The following ZZZ3 variants were observed in gnomAD, a reference collection of about 807,000 sequenced individuals.
The protein encoded by ZZZ3 is zinc finger ZZ-type containing 3.
In ZZZ3, 22 loss-of-function variants were observed where a neutral mutation model predicts 95.2. The observed-to-expected ratio is 0.23, with a 90% confidence interval of 0.17 to 0.33. The LOEUF is 0.33. Ranked by LOEUF, ZZZ3 falls within the 10% of genes least tolerant of loss-of-function variation. The pLI, the probability that ZZZ3 is intolerant of heterozygous loss-of-function variation, is 1.00. For synonymous variants in ZZZ3, 335 were observed against 358.9 expected (o/e 0.93, Z 0.75); for missense variants, 885 against 1,066.5 (o/e 0.83, Z 2.37).
chr1:77,663,348 G>T (rs1670981235), intron 1 of ZZZ3, among the ~76,000 whole-genome samples: 1 of 151,980 alleles, frequency 6.6e-6, no homozygotes, highest in Admixed American at 6.6e-5. Flanking sequence ...GAAAAAAAAA[G>T]TCTGGTGGTA....
rs137932775 is a variant in ZZZ3 at position 77,567,195 on chromosome 1, G to A, written c.2467-1014C>T. Among the ~76,000 whole-genome samples, 230 of 152,240 alleles carry A rather than the reference G, an allele frequency of 1.5e-3. 1 individual carries two copies. Among genetic ancestry groups the A allele is most frequent in the African/African-American group, 5.2e-3 (215 of 41,548 alleles). ...TATGGTCTCATTATTACTTCCTCCA[G>A]TCCAACCAAGTCAATTCTAATGCCT... On this transcript the variant is annotated intron_variant, in intron 13 of 14. Transcript: ENST00000370801.
At chr1:77,606,779 C>A (rs1219544258) in intron 5 of ZZZ3, among the ~76,000 whole-genome samples, 1 of 152,210 alleles carries the variant, frequency 6.6e-6, no homozygotes, top group Non-Finnish European at 1.5e-5. Context: ...GCTTGGGATG[C>A]CCTCTAATAC....
intron 5 of ZZZ3, among the ~76,000 whole-genome samples, chr1:77,620,543 C>T (rs1666759316): frequency 6.7e-6 from 1 of 149,160 alleles, no homozygotes; most frequent in South Asian, 2.1e-4. Flanking sequence ...GGAAACTGAG[C>T]TGAATCAGTA....
intron 1 of ZZZ3, among the ~76,000 whole-genome samples, chr1:77,657,325 A>G (rs936881879): frequency 6.6e-6 from 1 of 152,210 alleles, no homozygotes; most frequent in South Asian, 2.1e-4. Context: ...CGGAACTCAC[A>G]GTCAACAGCA....
At chr1:77,607,584 A>T (rs1665366184) in intron 5 of ZZZ3, among the ~76,000 whole-genome samples, 1 of 152,208 alleles carries the variant, frequency 6.6e-6, no homozygotes, top group South Asian at 2.1e-4. Flanking sequence ...AGAAAAACTG[A>T]TCACACAGAA....
At chr1:77,624,149 T>C (rs1360823264) in intron 5 of ZZZ3, among the ~76,000 whole-genome samples, 1 of 152,194 alleles carries the variant, frequency 6.6e-6, no homozygotes, top group East Asian at 1.9e-4. Context: ...AAAACTCTTG[T>C]AAATAGGGAT....
chr1:77,612,183 G>A (rs992660403), intron 5 of ZZZ3, among the ~76,000 whole-genome samples: 2 of 151,982 alleles, frequency 1.3e-5, no homozygotes, highest in African/African-American at 4.8e-5. Context: ...ATGGGTATAT[G>A]AAAAGGTACT....
chr1:77,610,299 A>C (rs986503844), intron 5 of ZZZ3, among the ~76,000 whole-genome samples: 2 of 152,042 alleles, frequency 1.3e-5, no homozygotes, highest in Admixed American at 1.3e-4. Flanking sequence ...ACCAATAACA[A>C]GTAACAAGAT....
chr1:77,669,141 A>G (rs1440472767), intron 1 of ZZZ3, among the ~76,000 whole-genome samples: 2 of 152,192 alleles, frequency 1.3e-5, no homozygotes, highest in African/African-American at 4.8e-5. Flanking sequence ...CATTCTTGAG[A>G]GGCATTCAGA....
intron 5 of ZZZ3, among the ~76,000 whole-genome samples, chr1:77,621,321 A>T (rs1437425415): frequency 1.3e-5 from 2 of 151,494 alleles, no homozygotes; most frequent in African/African-American, 4.9e-5. Context: ...CTCTACAAAA[A>T]AATTAAATAA....
intron 4 of ZZZ3, among the ~76,000 whole-genome samples, chr1:77,634,502 T>C (rs1173960779): frequency 6.6e-6 from 1 of 152,060 alleles, no homozygotes; most frequent in Non-Finnish European, 1.5e-5. Flanking sequence ...AGCCATAAAT[T>C]AGCAAGTGAA....
chr1:77,655,377 T>C lies in ZZZ3; in HGVS notation c.-402-13722A>G, dbSNP rs184240773. On this transcript the variant is annotated intron_variant, in intron 1 of 14. Coordinates refer to ENST00000370801, the MANE Select transcript of ZZZ3 (RefSeq NM_015534.6). ...AGTAAAGGGTTTTTAAGATCAAAAT[T>C]AATTTTCTTCTAGAATTACCTTTAC... is the stretch of plus-strand genomic sequence containing the variant. Among the ~76,000 whole-genome samples the C allele has an allele frequency of 3.3e-4, 51 of 152,322 alleles. 4 individuals are homozygous for C. Among genetic ancestry groups the C allele is most frequent in the African/African-American group, 1.2e-3 (51 of 41,580 alleles).
At chr1:77,673,614 T>G (rs1426410268) in intron 1 of ZZZ3, among the ~76,000 whole-genome samples, 1 of 151,984 alleles carries the variant, frequency 6.6e-6, no homozygotes, top group Non-Finnish European at 1.5e-5. Flanking sequence ...CAAATAAAAG[T>G]TGCACTTTAC....
intron 5 of ZZZ3, among the ~76,000 whole-genome samples, chr1:77,588,049 GC>G (rs577943580): frequency 7.8e-4 from 119 of 152,282 alleles, no homozygotes; most frequent in African/African-American, 2.7e-3. Flanking sequence ...ATATAGTAAA[GC>G]TTCTGGGTCA....
intron 1 of ZZZ3, among the ~76,000 whole-genome samples, chr1:77,667,033 C>T (rs1470777774): frequency 6.6e-6 from 1 of 152,234 alleles, no homozygotes; most frequent in African/African-American, 2.4e-5. Context: ...GGGAGACTTA[C>T]TGTTCAATTA....
intron 5 of ZZZ3, among the ~76,000 whole-genome samples, chr1:77,594,690 C>G (rs2100638027): frequency 6.6e-6 from 1 of 151,892 alleles, no homozygotes; most frequent in African/African-American, 2.4e-5. Flanking sequence ...CTTTTCAACA[C>G]TTAACACTTA....
chr1:77,677,737 T>C (rs951947982), intron 1 of ZZZ3, among the ~76,000 whole-genome samples: 2 of 152,196 alleles, frequency 1.3e-5, no homozygotes, highest in Non-Finnish European at 2.9e-5. Flanking sequence ...ATAATGATAG[T>C]TATTAAGATG....
At chr1:77,625,396 G>C (rs932353150) in intron 5 of ZZZ3, among the ~76,000 whole-genome samples, 20 of 152,032 alleles carry the variant, frequency 1.3e-4, no homozygotes, top group African/African-American at 4.1e-4. Context: ...AGAATCATGA[G>C]ACATAATTCT....
intron 1 of ZZZ3, among the ~76,000 whole-genome samples, chr1:77,663,806 T>C (rs1018821597): frequency 2.6e-5 from 4 of 151,950 alleles, no homozygotes; most frequent in Non-Finnish European, 5.9e-5. Context: ...TGGAGTGCAA[T>C]GGCGCGATCT....
Sources: gnomAD v4.1 joint callset for allele counts (sites outside exome capture counted in the v4.1 genomes callset) on GRCh38, gnomAD v4.1.1 for gene constraint, MANE v1.5 for transcripts, NCBI Gene and HGNC (gene_info 2026-07-23, HGNC 2026-07-21) for gene names.